The following SLC12A7 variants were observed in gnomAD, a reference collection of about 807,000 sequenced individuals.
The protein encoded by SLC12A7 is K-Cl cotransporter 4.
A neutral mutation model predicts 120.6 loss-of-function variants in SLC12A7; 100 were observed. That is an observed-to-expected ratio of 0.83 (90% CI 0.71 to 0.98). The LOEUF (loss-of-function observed/expected upper bound fraction) is 0.98. SLC12A7 is among the 50% of genes least tolerant of loss of function. SLC12A7 has a pLI of 0.00. For synonymous variants in SLC12A7, 760 were observed against 678.0 expected (o/e 1.12, Z -1.88); for missense variants, 1,373 against 1,548.1 (o/e 0.89, Z 1.90).
Position 1,052,202 on chromosome 5 carries a change from C to T in SLC12A7, c.*158G>A, listed in dbSNP as rs191620269. On this transcript the variant is annotated 3_prime_UTR_variant, in exon 24 of 24. Transcript: ENST00000264930. ...GGCTGAACAGGAGAGCCCTAGGTGA[C>T]GGGCCTAGAAACTTCCGTAGGAAGC... The T allele has an allele frequency of 1.2e-5, 8 of 651,292 alleles. No homozygotes were observed. The highest frequency in any genetic ancestry group is 3.5e-5 in the South Asian group (2 of 56,662). The allele number at this position is 651,292 out of a possible 1,614,324, so 40.3% of individuals were successfully genotyped here. A position where few individuals can be genotyped will look rare whatever the true frequency, so the allele number is the denominator to read the frequency against.
chr5:1,154,330 C>T, the SLC12A7 span, among the ~76,000 whole-genome samples: 1 of 150,754 alleles, frequency 6.6e-6, no homozygotes, highest in Non-Finnish European at 1.5e-5. Context: ...CCAATCCATG[C>T]AGTCCTGGAC....
intron 8 of SLC12A7, 102 bp from the exon 9 acceptor site, chr5:1,081,846 G>C: frequency 1.4e-6 from 2 of 1,408,192 alleles, no homozygotes; most frequent in Non-Finnish European, 1.9e-6. Flanking sequence ...TGGCCGGAGG[G>C]GAAGGGTCAC....
At chr5:1,082,071 C>T (rs952720300) in intron 8 of SLC12A7, among the ~76,000 whole-genome samples, 4 of 64,692 alleles carry the variant, frequency 6.2e-5, no homozygotes, top group African/African-American at 3.5e-4. Context: ...GGCTTCCCAT[C>T]TTGGGTTCTG....
At chr5:1,141,829 C>G in the SLC12A7 span, among the ~76,000 whole-genome samples, 1 of 152,148 alleles carries the variant, frequency 6.6e-6, no homozygotes, top group Non-Finnish European at 1.5e-5. Context: ...CGGGACAGAT[C>G]AACAGATGAA....
the SLC12A7 span, among the ~76,000 whole-genome samples, chr5:1,139,348 G>A: frequency 2.0e-5 from 3 of 152,276 alleles, no homozygotes; most frequent in African/African-American, 7.2e-5. Flanking sequence ...CCCCTGGAAG[G>A]CAGGAACCAC....
At chr5:1,065,153 GGGACGAAAA>G in intron 18 of SLC12A7, 121 bp downstream of exon 18, 3 of 793,210 alleles carry the variant, frequency 3.8e-6, no homozygotes, top group Non-Finnish European at 6.0e-6. Context: ...GGGGACAGTG[GGGACGAAAA>G]GGGGACAGTG....
intron 1 of SLC12A7, among the ~76,000 whole-genome samples, chr5:1,103,664 C>T (rs915369375): frequency 5.3e-5 from 8 of 152,250 alleles, no homozygotes; most frequent in African/African-American, 1.9e-4. Flanking sequence ...CGTGTACACA[C>T]ACACATACCT....
chr5:1,076,892 C>T (rs1185851092), intron 12 of SLC12A7, 80 bp from the exon 13 acceptor site: 2 of 949,960 alleles, frequency 2.1e-6, no homozygotes, highest in East Asian at 2.4e-5. Context: ...CAGGTCTAGC[C>T]CAGATGAATC....
the SLC12A7 span, among the ~76,000 whole-genome samples, chr5:1,149,161 A>C: frequency 3.3e-5 from 5 of 151,642 alleles, no homozygotes; most frequent in Non-Finnish European, 7.4e-5. Context: ...TGTGGATCCT[A>C]TGATGCTACC....
chr5:1,112,794 G>A (rs1218222517), upstream of SLC12A7, among the ~76,000 whole-genome samples: 2 of 149,642 alleles, frequency 1.3e-5, no homozygotes, highest in Non-Finnish European at 3.0e-5. Context: ...AGTGGAAGGA[G>A]CCTTGGATAG....
the SLC12A7 span, among the ~76,000 whole-genome samples, chr5:1,139,117 G>T: frequency 6.6e-6 from 1 of 152,228 alleles, no homozygotes; most frequent in Non-Finnish European, 1.5e-5. Flanking sequence ...GCCTCCGATG[G>T]TCCCCACAGC....
At position 1,102,210 on chromosome 5, in the gene SLC12A7, C is replaced by T. The variant is rs76351838; in HGVS notation, c.125-7962G>A. Among the ~76,000 whole-genome samples the T allele has an allele frequency of 1.4e-3, 220 of 152,276 alleles. 5 individuals carry two copies. The East Asian group carries it at 0.033, about 23-fold the overall frequency. Reference sequence around the variant, plus strand: ...GTGTCCCGGCCAGAGGAGGGGCAGCCCCTCCAGCCAGAGAGGCAGTGAGAG... The same window carrying T: ...GTGTCCCGGCCAGAGGAGGGGCAGCTCCTCCAGCCAGAGAGGCAGTGAGAG... On this transcript the variant is annotated intron_variant, in intron 1 of 23. Coordinates refer to ENST00000264930, the MANE Select transcript of SLC12A7 (RefSeq NM_006598.3).
the SLC12A7 span, among the ~76,000 whole-genome samples, chr5:1,138,139 C>T: frequency 3.9e-5 from 6 of 152,152 alleles, no homozygotes; most frequent in South Asian, 6.2e-4. Flanking sequence ...AGCTCTTAAA[C>T]GTGGCACGGA....
At chr5:1,086,374 C>T (rs1739860210) in intron 6 of SLC12A7, among the ~76,000 whole-genome samples, 1 of 152,158 alleles carries the variant, frequency 6.6e-6, no homozygotes, top group African/African-American at 2.4e-5. Flanking sequence ...AGGGCGGTTC[C>T]CGTCCCCACG....
intron 1 of SLC12A7, among the ~76,000 whole-genome samples, chr5:1,103,748 A>G (rs1027498051): frequency 2.6e-5 from 4 of 152,252 alleles, no homozygotes; most frequent in Admixed American, 2.6e-4. Context: ...CGGGGTGCCC[A>G]GGACACAGGC....
intron 17 of SLC12A7, among the ~76,000 whole-genome samples, chr5:1,067,305 C>G (rs1203580709): frequency 6.6e-6 from 1 of 152,232 alleles, no homozygotes. Flanking sequence ...AGGCAGAGAC[C>G]GGCTGGAGGC....
rs543315840 is a variant in SLC12A7, at chr5:1,052,132, G to A, written c.*228C>T. On this transcript the variant is annotated 3_prime_UTR_variant, in exon 24 of 24. Transcript: ENST00000264930. ...CCGGTAGCAGCGTCTGCCCTCAGAT[G>A]CAAGGAAATCGTCCAGCCACGCCCT... The A allele has an allele frequency of 5.2e-6, 3 of 577,322 alleles. No individual in the cohort carries two copies. In the African/African-American group the frequency reaches 5.6e-5, roughly 11 times the overall value. 35.8% of individuals were successfully genotyped at this position (577,322 alleles called of 1,614,324 possible). A position where few individuals can be genotyped will look rare whatever the true frequency, so the allele number is the denominator to read the frequency against.
At chr5:1,131,482 T>C in the SLC12A7 span, among the ~76,000 whole-genome samples, 1 of 152,190 alleles carries the variant, frequency 6.6e-6, no homozygotes, top group Non-Finnish European at 1.5e-5. Flanking sequence ...CGCCACGCTG[T>C]CGGAAGCAGG....
chr5:1,098,203 C>T (rs1448207654), intron 1 of SLC12A7, among the ~76,000 whole-genome samples: 3 of 133,382 alleles, frequency 2.2e-5, no homozygotes, highest in Admixed American at 7.7e-5. Flanking sequence ...CCCTCTAACC[C>T]TCTGCACACC....
Sources: allele counts gnomAD v4.1 joint callset (sites outside exome capture counted in the v4.1 genomes callset), GRCh38; gene constraint gnomAD v4.1.1; transcripts MANE v1.5; gene names NCBI Gene and HGNC (gene_info 2026-07-23, HGNC 2026-07-21).